UTP4: variants seen among roughly 807,000 people sequenced by gnomAD.
The protein encoded by UTP4 is U3 small nucleolar RNA-associated protein 4 homolog.
Under a neutral mutation model 82.4 loss-of-function variants are expected in UTP4, and 45 were observed. That is an observed-to-expected ratio of 0.55 (90% CI 0.43 to 0.70). The LOEUF is 0.70. Among genes scored for constraint, UTP4 ranks in the 30% least tolerant of loss-of-function variants. The pLI is 0.00. For synonymous variants in UTP4, 348 were observed against 300.3 expected (o/e 1.16, Z -1.64); for missense variants, 819 against 858.3 (o/e 0.95, Z 0.57).
At chr16:69,148,688 T>C (rs1963184937) in intron 6 of UTP4, among the ~76,000 whole-genome samples, 1 of 151,568 alleles carries the variant, frequency 6.6e-6, no homozygotes, top group African/African-American at 2.4e-5. Context: ...CCTGGCTCAC[T>C]GCAGCCTCTG....
At chr16:69,159,658 A>G (rs1654722723) in intron 12 of UTP4, among the ~76,000 whole-genome samples, 1 of 151,824 alleles carries the variant, frequency 6.6e-6, no homozygotes, top group South Asian at 2.1e-4. Context: ...ACTGCACTCC[A>G]GCCTGACAAC....
chr16:69,137,178 G>A (rs1237847492), intron 3 of UTP4, among the ~76,000 whole-genome samples: 1 of 152,166 alleles, frequency 6.6e-6, no homozygotes, highest in East Asian at 1.9e-4. Context: ...TTTGTTTTGT[G>A]TTTTATGGTA....
chr16:69,160,408 A>G lies in UTP4; in HGVS notation c.1497A>G (p.Leu499=), dbSNP rs139907414. ...CAGTCAGTCCAGATGGGAATTGGCTAGCTGCATCAGGTACCAGTGCTGGAG... is the reference window on the plus strand; with the variant it reads ...CAGTCAGTCCAGATGGGAATTGGCTGGCTGCATCAGGTACCAGTGCTGGAG... The part of the protein sequence containing the change: ...LLAVSPDGNW[L]AASGTSAGVH... Residue 499 remains leucine (L), a synonymous_variant, in exon 13 of 17, where the codon CTA becomes CTG. Coordinates refer to ENST00000314423, the MANE Select transcript of UTP4 (RefSeq NM_032830.3). The G allele has an allele frequency of 1.9e-5, 30 of 1,614,066 alleles. No homozygotes were observed. The African/African-American group carries it at 3.7e-4, about 20-fold the overall frequency.
intron 16 of UTP4, chr16:69,167,446 G>A (rs998005493): frequency 1.6e-5 from 7 of 440,594 alleles, no homozygotes; most frequent in African/African-American, 1.2e-4. Flanking sequence ...TGAGGGTAGA[G>A]TCTTTGTTGT....
Position 69,143,333 on chromosome 16 carries a change from C to T in UTP4, c.682C>T (p.Leu228Phe). Residue 228 changes from leucine to phenylalanine, a missense_variant, in exon 6 of 17, where the codon CTT (leucine) becomes TTT (phenylalanine). Coordinates refer to ENST00000314423, the MANE Select transcript of UTP4 (RefSeq NM_032830.3). ...GTTCTGGGACTCAGCCACTGGGACGCTTGTGAAGAGCCATCTCATCGCTAA... is the reference window on the plus strand; with the variant it reads ...GTTCTGGGACTCAGCCACTGGGACGTTTGTGAAGAGCCATCTCATCGCTAA... ...VQFWDSATGT[L>F]VKSHLIANAD... 2 of 1,614,158 alleles carry T rather than the reference C, an allele frequency of 1.2e-6. No individual in the cohort carries two copies. Among genetic ancestry groups the T allele is most frequent in the Non-Finnish European group, 1.7e-6 (2 of 1,180,036 alleles).
At chr16:69,137,297 T>G (rs1962836705) in intron 3 of UTP4, among the ~76,000 whole-genome samples, 1 of 152,336 alleles carries the variant, frequency 6.6e-6, no homozygotes, top group African/African-American at 2.4e-5. Context: ...TGTGCACTTG[T>G]GTTTCAGCCC....
intron 6 of UTP4, 107 bp downstream of exon 6, chr16:69,143,496 G>A (rs1249099178): frequency 3.1e-6 from 3 of 976,470 alleles, no homozygotes; most frequent in South Asian, 2.7e-5. Flanking sequence ...TCCTGATGTT[G>A]TACTGGAGGA....
intron 14 of UTP4, among the ~76,000 whole-genome samples, chr16:69,163,890 T>TG (rs1472857438): frequency 2.5e-5 from 3 of 118,128 alleles, no homozygotes; most frequent in African/African-American, 8.3e-5. Context: ...GTTTGTTTTT[T>TG]TTTTTTTTTT....
intron 13 of UTP4, among the ~76,000 whole-genome samples, chr16:69,161,012 C>G (rs749196034): frequency 2.6e-5 from 4 of 152,164 alleles, no homozygotes; most frequent in Admixed American, 1.3e-4. Context: ...CAGTGAAACC[C>G]ATTCATACCT....
At chr16:69,150,441 T>G (rs1417746320) in intron 6 of UTP4, 96 bp from the exon 7 acceptor site, 53 of 1,348,228 alleles carry the variant, frequency 3.9e-5, no homozygotes, top group Non-Finnish European at 5.6e-5. Flanking sequence ...GGGCATAGGT[T>G]TACCCCTAAG....
At chr16:69,136,588 A>C (rs930702860) in intron 2 of UTP4, 108 bp from the exon 3 acceptor site, 16 of 1,025,014 alleles carry the variant, frequency 1.6e-5, no homozygotes, top group African/African-American at 3.1e-5. Flanking sequence ...ACAAAACCCC[A>C]CACTAGTTAT....
At chr16:69,145,374 A>G (rs1365414167) in intron 6 of UTP4, among the ~76,000 whole-genome samples, 7 of 151,458 alleles carry the variant, frequency 4.6e-5, no homozygotes, top group Admixed American at 3.3e-4. Flanking sequence ...GATTCTCCTG[A>G]CTCAGCCTCC....
At chr16:69,161,007 A>G (rs1963549986) in intron 13 of UTP4, among the ~76,000 whole-genome samples, 1 of 152,212 alleles carries the variant, frequency 6.6e-6, no homozygotes, top group Non-Finnish European at 1.5e-5. Context: ...GGAAACAGTG[A>G]AACCCATTCA....
chr16:69,150,590 G>C lies in UTP4; in HGVS notation c.792G>C (p.Gln264His). Residue 264 changes from glutamine (Q) to histidine (H), a missense_variant, in exon 7 of 17, where the codon CAG becomes CAC. Transcript: ENST00000314423. The stretch of plus-strand genomic sequence containing the variant: ...CCGAGGGAACAGTCTTCCATTTTCA[G>C]CTGGTCCCTGTGACATCTAACAGCA... Reference protein sequence around the residue: ...GTAEGTVFHFQLVPVTSNSSE... With the variant: ...GTAEGTVFHFHLVPVTSNSSE... The C allele has an allele frequency of 6.2e-7, 1 of 1,614,228 alleles. No individual in the cohort carries two copies. The highest frequency in any genetic ancestry group is 8.5e-7 in the Non-Finnish European group (1 of 1,180,040).
intron 14 of UTP4, among the ~76,000 whole-genome samples, chr16:69,163,603 C>G (rs1963618434): frequency 6.6e-6 from 1 of 151,834 alleles, no homozygotes; most frequent in Admixed American, 6.6e-5. Flanking sequence ...AGATCAGGTA[C>G]CTAATCTCAG....
rs1963531217 is a variant in UTP4 at position 69,160,345 on chromosome 16, T to C, written c.1445-11T>C. The C allele has an allele frequency of 6.2e-7, 1 of 1,608,508 alleles. No homozygotes were observed. Among genetic ancestry groups the C allele is most frequent in the East Asian group, 2.2e-5 (1 of 44,868 alleles). On this transcript the variant is annotated splice_polypyrimidine_tract_variant and intron_variant, in intron 12 of 16. Coordinates refer to ENST00000314423, the MANE Select transcript of UTP4 (RefSeq NM_032830.3). ...TGTGAATTCAGAGATGTAACTGTTTTGTCCTCACAGGAACAGTGGAGGCCA... is the reference window on the plus strand; with the variant it reads ...TGTGAATTCAGAGATGTAACTGTTTCGTCCTCACAGGAACAGTGGAGGCCA...
chr16:69,157,149 G>T lies in UTP4; in HGVS notation c.1353G>T (p.Lys451Asn). The T allele has an allele frequency of 6.2e-7, 1 of 1,614,204 alleles. No individual in the cohort carries two copies. Among genetic ancestry groups the T allele is most frequent in the Non-Finnish European group, 8.5e-7 (1 of 1,180,032 alleles). Residue 451 changes from lysine (K) to asparagine (N), a missense_variant, in exon 12 of 17, where the codon AAG becomes AAT. Physicochemically the swap from Lys to Asn is moderately conservative, Grantham distance 94. Coordinates refer to ENST00000314423, the MANE Select transcript of UTP4 (RefSeq NM_032830.3). ...TTTTGTTTTCTGAAGATTCAACAAA[G>T]CTCTTTGTAGCATCAAATCAAGGAG... Reference protein sequence around the residue: ...LQILFSEDSTKLFVASNQGAL... With the variant: ...LQILFSEDSTNLFVASNQGAL...
intron 6 of UTP4, among the ~76,000 whole-genome samples, 173 bp downstream of exon 6, chr16:69,143,562 A>G (rs1021745906): frequency 1.3e-5 from 2 of 152,184 alleles, no homozygotes; most frequent in African/African-American, 4.8e-5. Context: ...AGTACCTAAC[A>G]ATTGGTTAGA....
chr16:69,154,601 C>G (rs1963360495), intron 10 of UTP4, 144 bp downstream of exon 10: 1 of 684,142 alleles, frequency 1.5e-6, no homozygotes, highest in Non-Finnish European at 2.6e-6. Context: ...GTCACCAGGA[C>G]TGGGTTTCCT....
Sources: gnomAD v4.1 joint callset for allele counts (sites outside exome capture counted in the v4.1 genomes callset) on GRCh38, gnomAD v4.1.1 for gene constraint, MANE v1.5 for transcripts, NCBI Gene and HGNC (gene_info 2026-07-23, HGNC 2026-07-21) for gene names.